The following IPCEF1 variants were observed in gnomAD, a reference collection of about 807,000 sequenced individuals.
The protein encoded by IPCEF1 is interactor protein for cytohesin exchange factors 1.
A neutral mutation model predicts 50.9 loss-of-function variants in IPCEF1; 31 were observed. That is an observed-to-expected ratio of 0.61 (90% CI 0.46 to 0.82). The LOEUF (loss-of-function observed/expected upper bound fraction) is 0.82, where lower values mean the gene tolerates loss of function less well. Among genes scored for constraint, IPCEF1 ranks in the 40% least tolerant of loss-of-function variants. The pLI is 0.00. For synonymous variants in IPCEF1, 181 were observed against 192.0 expected, an observed-to-expected ratio of 0.94 and a Z score of 0.47; for missense variants, 458 against 514.0, an observed-to-expected ratio of 0.89 and a Z score of 1.05.
At chr6:154,343,227 A>C (rs547137200) in intron 1 of IPCEF1, among the ~76,000 whole-genome samples, 18 of 152,306 alleles carry the variant, frequency 1.2e-4, no homozygotes, top group African/African-American at 3.6e-4. Context: ...CCTTTCCCTC[A>C]GTCACTCATT....
At chr6:154,340,901 ATATATATATGTGTG>A (rs201942900) in intron 1 of IPCEF1, among the ~76,000 whole-genome samples, 2,281 of 123,708 alleles carry the variant, frequency 0.018, 27 homozygotes, top group South Asian at 0.039. Context: ...AAAAAAAGAA[ATATATATATGTGTG>A]TATATATATG....
intron 1 of IPCEF1, among the ~76,000 whole-genome samples, chr6:154,349,278 A>G (rs907346834): frequency 5.3e-5 from 8 of 151,634 alleles, no homozygotes; most frequent in South Asian, 2.1e-4. Context: ...TGCAACCTCA[A>G]TCTCCCAGGC....
chr6:154,270,094 A>G (rs549025853), intron 2 of IPCEF1, among the ~76,000 whole-genome samples: 1 of 152,200 alleles, frequency 6.6e-6, no homozygotes, highest in Non-Finnish European at 1.5e-5. Flanking sequence ...GAAGGAAGAA[A>G]TAATGACTAT....
At chr6:154,195,273 G>A (rs983324443) in intron 10 of IPCEF1, among the ~76,000 whole-genome samples, 4 of 149,124 alleles carry the variant, frequency 2.7e-5, no homozygotes, top group South Asian at 2.1e-4. Flanking sequence ...TCAGCCTCCC[G>A]AGTAGGTGGG....
In IPCEF1 at chr6:154,212,863, A is replaced by G. The variant is rs773340844; in HGVS notation, c.452-8T>C. ...CACTTTCACTGTAACATTCTATAAC[A>G]AAAATGAAAATGCTTAATGTTTTAA... On this transcript the variant is annotated splice_polypyrimidine_tract_variant and splice_region_variant and intron_variant, in intron 8 of 11. Coordinates refer to ENST00000367220, the MANE Select transcript of IPCEF1 (RefSeq NM_001130700.2). 1 of 1,588,806 alleles carries G rather than the reference A, an allele frequency of 6.3e-7. No individual in the cohort carries two copies. The highest frequency in any genetic ancestry group is 8.6e-7 in the Non-Finnish European group (1 of 1,157,044).
At chr6:154,307,425 C>A (rs1296253815) in intron 1 of IPCEF1, among the ~76,000 whole-genome samples, 1 of 152,212 alleles carries the variant, frequency 6.6e-6, no homozygotes, top group Non-Finnish European at 1.5e-5. Context: ...ACTGTGAGTT[C>A]TCCATTAAAC....
chr6:154,187,187 C>A (rs1460406817), intron 10 of IPCEF1, among the ~76,000 whole-genome samples: 1 of 152,066 alleles, frequency 6.6e-6, no homozygotes, highest in Non-Finnish European at 1.5e-5. Context: ...GCTCAAATAT[C>A]GACTTATCAG....
chr6:154,327,514 ATG>A (rs1449703626), intron 1 of IPCEF1, among the ~76,000 whole-genome samples: 1 of 152,240 alleles, frequency 6.6e-6, no homozygotes, highest in East Asian at 1.9e-4. Flanking sequence ...CAAAACCACA[ATG>A]AGATACCATC....
At chr6:154,160,945 GCCGAGT>G (rs1399663520) in intron 11 of IPCEF1, among the ~76,000 whole-genome samples, 1 of 152,136 alleles carries the variant, frequency 6.6e-6, no homozygotes, top group Non-Finnish European at 1.5e-5. Flanking sequence ...GCATGTAAAT[GCCGAGT>G]CCCCCTCATG....
intron 3 of IPCEF1, among the ~76,000 whole-genome samples, chr6:154,265,481 A>G (rs1781732878): frequency 6.6e-6 from 1 of 151,940 alleles, no homozygotes; most frequent in Non-Finnish European, 1.5e-5. Context: ...GAGTTTCACC[A>G]TGTTGGCCAG....
chr6:154,268,946 T>G (rs1270788315), intron 2 of IPCEF1, among the ~76,000 whole-genome samples: 3 of 152,142 alleles, frequency 2.0e-5, no homozygotes, highest in Admixed American at 2.0e-4. Context: ...GCCTCTCACA[T>G]CACCTTATTT....
chr6:154,164,414 A>G (rs1285736931), intron 11 of IPCEF1, among the ~76,000 whole-genome samples: 1 of 152,202 alleles, frequency 6.6e-6, no homozygotes, highest in Non-Finnish European at 1.5e-5. Flanking sequence ...CAGAAGAAGG[A>G]AATTAATGAA....
At chr6:154,229,751 C>T (rs928878747) in intron 5 of IPCEF1, among the ~76,000 whole-genome samples, 4 of 152,130 alleles carry the variant, frequency 2.6e-5, no homozygotes, top group Non-Finnish European at 5.9e-5. Context: ...ATGCAAATGC[C>T]CATGCAAAGG....
At chr6:154,277,757 T>C (rs1245172466) in intron 2 of IPCEF1, among the ~76,000 whole-genome samples, 22 of 152,188 alleles carry the variant, frequency 1.4e-4, no homozygotes. Context: ...TGAACACATG[T>C]GGGCTTATTT....
At chr6:154,251,306 T>G (rs1399462035) in intron 3 of IPCEF1, among the ~76,000 whole-genome samples, 3 of 152,154 alleles carry the variant, frequency 2.0e-5, no homozygotes, top group Admixed American at 1.3e-4. Flanking sequence ...TGTCAGTGAT[T>G]TGGGAGGCCG....
intron 5 of IPCEF1, among the ~76,000 whole-genome samples, chr6:154,243,188 A>G (rs1463044417): frequency 6.6e-6 from 1 of 152,178 alleles, no homozygotes; most frequent in Non-Finnish European, 1.5e-5. Context: ...GAAATAAGAA[A>G]GGTTACCAGT....
chr6:154,321,629 A>C (rs1255172165), intron 1 of IPCEF1, among the ~76,000 whole-genome samples: 1 of 151,822 alleles, frequency 6.6e-6, no homozygotes, highest in Non-Finnish European at 1.5e-5. Context: ...AATACAAAAA[A>C]GTTAGCCGGG....
intron 7 of IPCEF1, among the ~76,000 whole-genome samples, chr6:154,220,857 C>A (rs1026265154): frequency 6.6e-6 from 1 of 152,206 alleles, no homozygotes; most frequent in African/African-American, 2.4e-5. Context: ...GTGATAAATA[C>A]GTGAATCATC....
chr6:154,246,391 G>A (rs1781045450), intron 5 of IPCEF1, among the ~76,000 whole-genome samples, 200 bp downstream of exon 5: 1 of 152,138 alleles, frequency 6.6e-6, no homozygotes, highest in African/African-American at 2.4e-5. Context: ...TAGTCAAACA[G>A]GATGGGTTTC....
Sources: allele counts gnomAD v4.1 joint callset (sites outside exome capture counted in the v4.1 genomes callset), GRCh38; gene constraint gnomAD v4.1.1; transcripts MANE v1.5; gene names NCBI Gene and HGNC (gene_info 2026-07-23, HGNC 2026-07-21).